Variants in ANKIB1 observed in about 807,000 individuals in gnomAD.
ANKIB1 encodes the protein ankyrin repeat and IBR domain containing 1, also known as ankyrin repeat and IBR domain-containing protein 1.
A neutral mutation model predicts 122.1 loss-of-function variants in ANKIB1; 43 were observed. That is an observed-to-expected ratio of 0.35 (90% CI 0.28 to 0.45). The LOEUF is 0.45. Among genes scored for constraint, ANKIB1 ranks in the 20% least tolerant of loss-of-function variants. The pLI is 1.00. For missense variants in ANKIB1, 992 were observed against 1,329.5 expected, an observed-to-expected ratio of 0.75 and a Z score of 3.95; for synonymous variants, 390 against 442.0, an observed-to-expected ratio of 0.88 and a Z score of 1.48.
intron 7 of ANKIB1, among the ~76,000 whole-genome samples, chr7:92,347,459 G>C (rs1803565326): frequency 6.6e-6 from 1 of 152,060 alleles, no homozygotes; most frequent in South Asian, 2.1e-4. Context: ...AAAGGGAATA[G>C]CCAGGCATAG....
At chr7:92,281,731 C>T (rs1802015340) in intron 1 of ANKIB1, among the ~76,000 whole-genome samples, 1 of 152,154 alleles carries the variant, frequency 6.6e-6, no homozygotes, top group Non-Finnish European at 1.5e-5. Flanking sequence ...TAGGAAGACT[C>T]AATGACTTTG....
chr7:92,361,072 A>G (rs1408423453), intron 9 of ANKIB1, among the ~76,000 whole-genome samples: 2 of 152,130 alleles, frequency 1.3e-5, no homozygotes, highest in African/African-American at 4.8e-5. Flanking sequence ...AATAGCACTG[A>G]TGGTGATGAT....
intron 1 of ANKIB1, among the ~76,000 whole-genome samples, chr7:92,285,136 C>T (rs773687306): frequency 3.3e-5 from 5 of 152,062 alleles, no homozygotes; most frequent in Admixed American, 1.3e-4. Flanking sequence ...GGCACTATCT[C>T]GGCTCACTGC....
At chr7:92,357,762 A>G (rs953897383) in intron 9 of ANKIB1, among the ~76,000 whole-genome samples, 1 of 151,220 alleles carries the variant, frequency 6.6e-6, no homozygotes, top group Non-Finnish European at 1.5e-5. Flanking sequence ...AAAAGAAAAA[A>G]AAACTTTCTT....
chr7:92,395,538 CTTTTTTTTTT>C lies in ANKIB1; in HGVS notation c.2284-814_2284-805del, dbSNP rs35028119. Among the ~76,000 whole-genome samples, 6 of 108,290 alleles carry C rather than the reference CTTTTTTTTTT, an allele frequency of 5.5e-5. 1 individual carries two copies. The highest frequency in any genetic ancestry group is 4.8e-4 in the Admixed American group (5 of 10,332). The allele number at this position is 108,290 out of a possible 152,430, so 71.0% of individuals were successfully genotyped here. A position where few individuals can be genotyped will look rare whatever the true frequency, so the allele number is the denominator to read the frequency against. ...TTTTCTGTTACATATATCCCAGTCACTTTTTTTTTTTTTTTTTTTTTTGAGATGGAGTCTT... is the reference window on the plus strand; with the variant it reads ...TTTTCTGTTACATATATCCCAGTCACTTTTTTTTTTTTGAGATGGAGTCTT... On this transcript the variant is annotated intron_variant, in intron 17 of 19. Coordinates refer to ENST00000265742, the MANE Select transcript of ANKIB1 (RefSeq NM_019004.2).
At chr7:92,391,515 T>C (rs1804785115) in intron 16 of ANKIB1, among the ~76,000 whole-genome samples, 171 bp downstream of exon 16, 1 of 152,142 alleles carries the variant, frequency 6.6e-6, no homozygotes, top group African/African-American at 2.4e-5. Flanking sequence ...TCCTCCATGC[T>C]ATTTCTGTTT....
chr7:92,276,359 A>G (rs1801904479), intron 1 of ANKIB1, among the ~76,000 whole-genome samples: 1 of 152,226 alleles, frequency 6.6e-6, no homozygotes, highest in African/African-American at 2.4e-5. Context: ...GACACTGTAT[A>G]TATACTGACC....
chr7:92,320,277 T>G (rs1207416451), intron 4 of ANKIB1, among the ~76,000 whole-genome samples: 4 of 152,180 alleles, frequency 2.6e-5, no homozygotes, highest in African/African-American at 9.6e-5. Context: ...TTCCTCACTT[T>G]CCATTCACTC....
chr7:92,315,559 A>G (rs187262298), intron 3 of ANKIB1, among the ~76,000 whole-genome samples: 33 of 152,306 alleles, frequency 2.2e-4, no homozygotes, highest in African/African-American at 4.1e-4. Flanking sequence ...AGTAGTGCCT[A>G]TGAGGGAAAC....
intron 1 of ANKIB1, among the ~76,000 whole-genome samples, chr7:92,248,969 C>G (rs1801262867): frequency 6.9e-6 from 1 of 143,940 alleles, no homozygotes. Context: ...CTCAGTACAA[C>G]CTCCGCCTCC....
chr7:92,305,171 C>T (rs1195901429), intron 2 of ANKIB1, among the ~76,000 whole-genome samples: 1 of 152,096 alleles, frequency 6.6e-6, no homozygotes, highest in Non-Finnish European at 1.5e-5. Context: ...AAGATAAACT[C>T]TCAGGAGTAG....
chr7:92,387,534 G>A (rs1381418855), intron 12 of ANKIB1, among the ~76,000 whole-genome samples: 1 of 151,946 alleles, frequency 6.6e-6, no homozygotes, highest in African/African-American at 2.4e-5. Flanking sequence ...TACTCAGGAG[G>A]CTGAGACAGG....
intron 1 of ANKIB1, among the ~76,000 whole-genome samples, chr7:92,289,699 T>TA (rs1802207463): frequency 6.6e-6 from 1 of 152,214 alleles, no homozygotes; most frequent in African/African-American, 2.4e-5. Context: ...CATTGGTCAA[T>TA]AATGCATGCA....
At chr7:92,249,869 C>A (rs185272469) in intron 1 of ANKIB1, among the ~76,000 whole-genome samples, 7 of 152,096 alleles carry the variant, frequency 4.6e-5, no homozygotes, top group South Asian at 4.1e-4. Flanking sequence ...GATCTCCCCC[C>A]CCACACGCGA....
chr7:92,316,849 T>C (rs1802805074), intron 3 of ANKIB1, among the ~76,000 whole-genome samples: 1 of 152,240 alleles, frequency 6.6e-6, no homozygotes, highest in South Asian at 2.1e-4. Context: ...TCTTTGCTTT[T>C]GTTAAGGAAG....
At chr7:92,264,962 T>A (rs1485850472) in intron 1 of ANKIB1, among the ~76,000 whole-genome samples, 1 of 152,220 alleles carries the variant, frequency 6.6e-6, no homozygotes, top group Non-Finnish European at 1.5e-5. Flanking sequence ...AAAGAAAGTA[T>A]CTCTGAGAAC....
chr7:92,373,118 A>G (rs1804310728), intron 11 of ANKIB1, among the ~76,000 whole-genome samples: 1 of 152,146 alleles, frequency 6.6e-6, no homozygotes, highest in Non-Finnish European at 1.5e-5. Flanking sequence ...TCTAAGAGGC[A>G]GAAAGAAAAA....
chr7:92,329,281 T>C (rs1585110095), intron 5 of ANKIB1, among the ~76,000 whole-genome samples: 1 of 152,242 alleles, frequency 6.6e-6, no homozygotes, highest in Admixed American at 6.5e-5. Context: ...TCAATATCGA[T>C]GTTTCTGACA....
chr7:92,349,494 T>C (rs1344315582), intron 7 of ANKIB1, among the ~76,000 whole-genome samples: 3 of 152,206 alleles, frequency 2.0e-5, no homozygotes, highest in African/African-American at 7.2e-5. Flanking sequence ...AGAAAAAAGA[T>C]ACTATAGTTA....
Sources: allele counts gnomAD v4.1 joint callset (sites outside exome capture counted in the v4.1 genomes callset), GRCh38; gene constraint gnomAD v4.1.1; transcripts MANE v1.5; gene names NCBI Gene and HGNC (gene_info 2026-07-23, HGNC 2026-07-21).